ATXN1: variants seen among roughly 807,000 people sequenced by gnomAD.
ATXN1 encodes the protein ataxin-1.
In ATXN1, 8 loss-of-function variants were observed where a neutral mutation model predicts 56.4. That is an observed-to-expected ratio of 0.14 (90% confidence interval 0.08 to 0.26). The LOEUF is 0.26. Ranked by LOEUF, ATXN1 falls within the 10% of genes least tolerant of loss-of-function variation. The pLI is 1.00. For synonymous variants in ATXN1, 514 were observed against 494.6 expected, an observed-to-expected ratio of 1.04 and a Z score of -0.52; for missense variants, 987 against 1,106.5, an observed-to-expected ratio of 0.89 and a Z score of 1.53.
intron 6 of ATXN1, among the ~76,000 whole-genome samples, chr6:16,403,571 G>A (rs781164409): frequency 1.3e-5 from 2 of 152,122 alleles, no homozygotes; most frequent in African/African-American, 2.4e-5. Flanking sequence ...GGCTGGTCTC[G>A]AACTCTTGAG....
At chr6:16,674,616 G>A (rs896281269) in intron 2 of ATXN1, among the ~76,000 whole-genome samples, 5 of 150,974 alleles carry the variant, frequency 3.3e-5, no homozygotes, top group South Asian at 2.1e-4. Flanking sequence ...CTTGGCCTCC[G>A]AAAATGCTGG....
In ATXN1 at chr6:16,760,346, C is replaced by G. The variant is rs572512657; in HGVS notation, c.-730+952G>C. On this transcript the variant is annotated intron_variant, in intron 1 of 7. Coordinates refer to ENST00000436367, the MANE Select transcript of ATXN1 (RefSeq NM_001128164.2). This position sits in a 1 kb window ranked among gnomAD's most constrained non-coding sequence, Gnocchi z 5.3. Reference sequence around the variant, plus strand: ...CAGGGCAGCGCCTGCCGCGGCTCCTCGTCTCCTGCCGCGGGTGCTGGCGGG... The same window carrying G: ...CAGGGCAGCGCCTGCCGCGGCTCCTGGTCTCCTGCCGCGGGTGCTGGCGGG... Among the ~76,000 whole-genome samples the G allele has an allele frequency of 6.6e-6, 1 of 152,010 alleles. No homozygotes were observed. The highest frequency in any genetic ancestry group is 2.4e-5 in the African/African-American group (1 of 41,530).
At chr6:16,514,730 C>A (rs1761146451) in intron 5 of ATXN1, among the ~76,000 whole-genome samples, 1 of 151,966 alleles carries the variant, frequency 6.6e-6, no homozygotes, top group East Asian at 1.9e-4. Context: ...AAAATAATAT[C>A]CACGGCACTT....
At chr6:16,496,084 C>T (rs1239045883) in intron 5 of ATXN1, among the ~76,000 whole-genome samples, 4 of 152,182 alleles carry the variant, frequency 2.6e-5, no homozygotes, top group Non-Finnish European at 4.4e-5. Flanking sequence ...CCAACAGATA[C>T]AACAACTCCA....
At chr6:16,755,809 A>G (rs1364661783) in intron 1 of ATXN1, among the ~76,000 whole-genome samples, 1 of 152,070 alleles carries the variant, frequency 6.6e-6, no homozygotes, top group Non-Finnish European at 1.5e-5. Flanking sequence ...TTCTGAGTAC[A>G]CTACCATGAA....
chr6:16,564,037 A>ACAGGATGTGG (rs1187482271), intron 4 of ATXN1, among the ~76,000 whole-genome samples: 2 of 152,190 alleles, frequency 1.3e-5, no homozygotes, highest in Non-Finnish European at 2.9e-5. Flanking sequence ...TGCTGAGTAA[A>ACAGGATGTGG]CAGGATGTGG....
At chr6:16,691,077 C>T (rs552122736) in intron 2 of ATXN1, among the ~76,000 whole-genome samples, 4 of 152,236 alleles carry the variant, frequency 2.6e-5, no homozygotes, top group Non-Finnish European at 4.4e-5. Flanking sequence ...AAATGCATGT[C>T]GAAATGACAT....
chr6:16,682,045 G>A (rs151067716), intron 2 of ATXN1, among the ~76,000 whole-genome samples: 8 of 151,922 alleles, frequency 5.3e-5, no homozygotes, highest in Admixed American at 2.0e-4. Flanking sequence ...TTCTCCTTCC[G>A]AATGCCCCCA....
At chr6:16,343,971 T>C (rs565482768) in intron 6 of ATXN1, among the ~76,000 whole-genome samples, 1 of 152,330 alleles carries the variant, frequency 6.6e-6, no homozygotes, top group East Asian at 1.9e-4. Context: ...CACTGTCACC[T>C]GTTTTCTAAT....
At chr6:16,563,103 T>C (rs1275461246) in intron 4 of ATXN1, among the ~76,000 whole-genome samples, 1 of 151,800 alleles carries the variant, frequency 6.6e-6, no homozygotes, top group Non-Finnish European at 1.5e-5. Context: ...CGGACAGAAT[T>C]AAAGGGAAAA....
intron 5 of ATXN1, among the ~76,000 whole-genome samples, chr6:16,493,974 G>A (rs1307642067): frequency 6.6e-6 from 1 of 152,188 alleles, no homozygotes; most frequent in Admixed American, 6.5e-5. Flanking sequence ...TGCTTCCTCT[G>A]AATGAGCACA....
intron 2 of ATXN1, among the ~76,000 whole-genome samples, chr6:16,677,023 C>CT (rs1401118361): frequency 2.0e-5 from 3 of 152,124 alleles, no homozygotes; most frequent in African/African-American, 4.8e-5. Flanking sequence ...CTAGTTAACA[C>CT]TTTTTTTAAA....
intron 4 of ATXN1, among the ~76,000 whole-genome samples, chr6:16,572,819 A>T (rs1291334312): frequency 1.3e-5 from 2 of 152,186 alleles, no homozygotes; most frequent in Non-Finnish European, 2.9e-5. Flanking sequence ...TCTTCTATAA[A>T]GTTCAGTATA....
intron 6 of ATXN1, among the ~76,000 whole-genome samples, chr6:16,403,652 TAAGCTCTTTA>T (rs1758627300): frequency 6.6e-6 from 1 of 152,166 alleles, no homozygotes; most frequent in East Asian, 1.9e-4. Context: ...CGCCCGGCCC[TAAGCTCTTTA>T]AATGCAGCAA....
intron 6 of ATXN1, among the ~76,000 whole-genome samples, chr6:16,417,006 T>A (rs1408054266): frequency 2.6e-5 from 4 of 152,226 alleles, no homozygotes; most frequent in Non-Finnish European, 5.9e-5. Context: ...ATATTTCTAA[T>A]GTTTTGTCAA....
At chr6:16,691,311 G>A (rs1581368656) in intron 2 of ATXN1, among the ~76,000 whole-genome samples, 1 of 152,222 alleles carries the variant, frequency 6.6e-6, no homozygotes, top group Non-Finnish European at 1.5e-5. Flanking sequence ...CATGGGACAA[G>A]CTAAGTAAAA....
intron 6 of ATXN1, among the ~76,000 whole-genome samples, chr6:16,392,271 A>T (rs756720920): frequency 1.3e-5 from 2 of 152,214 alleles, no homozygotes; most frequent in African/African-American, 4.8e-5. Flanking sequence ...TGCCAAGCAC[A>T]AAGACAGAAC....
intron 2 of ATXN1, among the ~76,000 whole-genome samples, chr6:16,684,102 C>G (rs1758869226): frequency 6.6e-6 from 1 of 152,204 alleles, no homozygotes. Context: ...AGTCATCCCC[C>G]AAACTTCAGG....
intron 6 of ATXN1, among the ~76,000 whole-genome samples, chr6:16,422,672 GA>G (rs1384375959): frequency 1.3e-5 from 2 of 152,132 alleles, no homozygotes; most frequent in African/African-American, 4.8e-5. Flanking sequence ...ATCCACCCAA[GA>G]CACACCTATG....
Sources: gnomAD v4.1 joint callset for allele counts (sites outside exome capture counted in the v4.1 genomes callset) on GRCh38, gnomAD v4.1.1 for gene constraint, Gnocchi (gnomAD v3.1) non-coding constraint, MANE v1.5 for transcripts, NCBI Gene and HGNC (gene_info 2026-07-23, HGNC 2026-07-21) for gene names.